Variants in VPS50 observed in about 807,000 individuals in gnomAD.
The protein encoded by VPS50 is syndetin.
Under a neutral mutation model 139.7 loss-of-function variants are expected in VPS50, and 70 were observed. That is an observed-to-expected ratio of 0.50 (90% CI 0.41 to 0.61). VPS50 has a LOEUF of 0.61. Ranked by LOEUF, VPS50 falls within the 20% of genes least tolerant of loss-of-function variation. VPS50 has a pLI of 0.00. For missense variants in VPS50, 921 were observed against 1,133.7 expected (o/e 0.81, Z 2.69); for synonymous variants, 365 against 376.7 (o/e 0.97, Z 0.36).
intron 2 of VPS50, among the ~76,000 whole-genome samples, chr7:93,242,706 C>G (rs1374354830): frequency 2.0e-5 from 3 of 151,926 alleles, no homozygotes; most frequent in African/African-American, 7.2e-5. Flanking sequence ...TATGCCTGGT[C>G]TTCAGGAATC....
intron 8 of VPS50, 37 bp downstream of exon 8, chr7:93,258,429 G>T (rs1190923963): frequency 1.3e-6 from 2 of 1,520,324 alleles, no homozygotes; most frequent in African/African-American, 1.4e-5. Context: ...GGGTCCTACT[G>T]ATATATAGAA....
intron 9 of VPS50, among the ~76,000 whole-genome samples, chr7:93,265,726 G>A (rs1384723400): frequency 6.6e-6 from 1 of 151,902 alleles, no homozygotes; most frequent in South Asian, 2.1e-4. Flanking sequence ...CACTACACCC[G>A]GCTATTTTTT....
At chr7:93,272,871 G>T (rs1192568412) in intron 11 of VPS50, 138 bp downstream of exon 11, 1 of 518,232 alleles carries the variant, frequency 1.9e-6, no homozygotes, top group Non-Finnish European at 3.4e-6. Flanking sequence ...AATTAACAGT[G>T]ATAAAATGGT....
intron 21 of VPS50, among the ~76,000 whole-genome samples, chr7:93,327,124 G>A (rs73417363): frequency 0.042 from 6,378 of 152,212 alleles, 313 homozygotes; most frequent in African/African-American, 0.12. Flanking sequence ...TTTGGGCCAT[G>A]CCTCTAGACC....
rs779682137 is a variant in VPS50 at position 93,239,894 on chromosome 7, G to C, written c.62G>C (p.Ser21Thr). ...QGLKSPQESL[S>T]DLGAIESLRV... Reference sequence around the variant, plus strand: ...CTGAAAAGCCCTCAAGAAAGCCTCAGTGATCTTGGTGCCATAGAGAGTCTC... The same window carrying C: ...CTGAAAAGCCCTCAAGAAAGCCTCACTGATCTTGGTGCCATAGAGAGTCTC... Residue 21 changes from serine to threonine, a missense_variant, in exon 2 of 28, where the codon AGT (serine) becomes ACT (threonine). Around this residue, in one of 3 missense-constraint regions of VPS50, gnomAD observed 744 missense variants for 930.6 expected, o/e 0.80. Transcript: ENST00000305866. 2.1e-5 allele frequency: 33 copies of C among 1,607,382 alleles called. No individual in the cohort carries two copies. The highest frequency in any genetic ancestry group is 4.4e-5 in the South Asian group (4 of 90,960).
intron 17 of VPS50, among the ~76,000 whole-genome samples, chr7:93,304,592 T>A (rs993475381): frequency 6.6e-6 from 1 of 151,886 alleles, no homozygotes; most frequent in African/African-American, 2.4e-5. Context: ...AAGTTTAACA[T>A]AAATTTTAGA....
At chr7:93,348,653 T>G in intron 23 of VPS50, 58 bp from the exon 24 acceptor site, 1 of 1,096,036 alleles carries the variant, frequency 9.1e-7, no homozygotes, top group South Asian at 1.3e-5. Flanking sequence ...TACGAAAGCA[T>G]GACAGGCTCT....
chr7:93,340,001 G>A (rs1798170294), intron 22 of VPS50, among the ~76,000 whole-genome samples: 1 of 151,886 alleles, frequency 6.6e-6, no homozygotes, highest in Admixed American at 6.6e-5. Context: ...AAAGTATAAT[G>A]ACCATTTGTA....
At chr7:93,302,237 A>C (rs1584446053) in intron 16 of VPS50, among the ~76,000 whole-genome samples, 1 of 152,194 alleles carries the variant, frequency 6.6e-6, no homozygotes, top group African/African-American at 2.4e-5. Context: ...ATTCTTGGCC[A>C]TTATGTCTTC....
At chr7:93,308,382 C>T (rs1287365486) in intron 18 of VPS50, among the ~76,000 whole-genome samples, 1 of 151,872 alleles carries the variant, frequency 6.6e-6, no homozygotes, top group Non-Finnish European at 1.5e-5. Flanking sequence ...AGAACATCAG[C>T]ATGTGTGTTG....
At chr7:93,285,835 A>G (rs892284488) in intron 12 of VPS50, among the ~76,000 whole-genome samples, 4 of 152,250 alleles carry the variant, frequency 2.6e-5, no homozygotes, top group Admixed American at 1.3e-4. Context: ...TGTGAAGCAT[A>G]GTGGAAATGC....
chr7:93,346,685 T>C (rs955532177), intron 23 of VPS50, among the ~76,000 whole-genome samples: 20 of 150,746 alleles, frequency 1.3e-4, no homozygotes, highest in African/African-American at 4.7e-4. Flanking sequence ...TCTACAACTA[T>C]CTGATCTTTG....
At chr7:93,330,424 A>G (rs1797901665) in intron 21 of VPS50, among the ~76,000 whole-genome samples, 1 of 152,108 alleles carries the variant, frequency 6.6e-6, no homozygotes, top group African/African-American at 2.4e-5. Flanking sequence ...GATTAAAAAC[A>G]AAGTCCACAC....
At chr7:93,269,765 C>T (rs1795950470) in intron 9 of VPS50, among the ~76,000 whole-genome samples, 1 of 145,118 alleles carries the variant, frequency 6.9e-6, no homozygotes, top group Non-Finnish European at 1.5e-5. Context: ...GCAAAATTTT[C>T]TCTCAGAACT....
intron 9 of VPS50, among the ~76,000 whole-genome samples, chr7:93,266,109 G>T (rs1225192927): frequency 6.6e-6 from 1 of 152,164 alleles, no homozygotes; most frequent in Non-Finnish European, 1.5e-5. Context: ...ACTGGAATAG[G>T]CTCTGATTTA....
chr7:93,243,103 T>A (rs1273550640), intron 2 of VPS50, among the ~76,000 whole-genome samples: 1 of 151,962 alleles, frequency 6.6e-6, no homozygotes, highest in Non-Finnish European at 1.5e-5. Flanking sequence ...TGTGCCCGAT[T>A]TTAAGAGCAG....
rs929380980 is a variant in VPS50 at position 93,360,622 on chromosome 7, A to G, written c.*2186A>G. 1 of 152,070 alleles carries G rather than the reference A, an allele frequency of 6.6e-6. No individual in the cohort carries two copies. The highest frequency in any genetic ancestry group is 1.5e-5 in the Non-Finnish European group (1 of 67,980). The allele number at this position is 152,070 out of a possible 1,614,324, so 9.4% of individuals were successfully genotyped here. A position where few individuals can be genotyped will look rare whatever the true frequency, so the allele number is the denominator to read the frequency against. ...TACAATTGAAAAGCTGAGAATGTAA[A>G]TGGAATTATACGTGTTCCAAAAACT... On this transcript the variant is annotated 3_prime_UTR_variant, in exon 28 of 28. Coordinates refer to ENST00000305866, the MANE Select transcript of VPS50 (RefSeq NM_017667.4).
In VPS50 at chr7:93,349,907, A is replaced by G. The variant is rs1241672271; in HGVS notation, c.2337A>G (p.Pro779=). 8 of 1,613,370 alleles carry G rather than the reference A, an allele frequency of 5.0e-6. No homozygotes were observed. The highest frequency in any genetic ancestry group is 1.3e-5 in the African/African-American group (1 of 74,920). The change falls in exon 25 of 28, where the codon CCA becomes CCG. Residue 779 remains proline (P), a synonymous_variant. Coordinates refer to ENST00000305866, the MANE Select transcript of VPS50 (RefSeq NM_017667.4). The part of the protein sequence containing the change: ...TVSTASELRK[P]IYWIVAGKAL... ...CAACCGCCAGTGAACTACGGAAACC[A>G]ATTTACTGGATTGTAGCTGGTAAAG...
chr7:93,308,544 G>C (rs1307934425), intron 18 of VPS50, among the ~76,000 whole-genome samples: 3 of 151,728 alleles, frequency 2.0e-5, no homozygotes, highest in Admixed American at 2.0e-4. Context: ...TACTCTTTAG[G>C]CCTAGTGGAA....
Sources: gnomAD v4.1 joint callset for allele counts (sites outside exome capture counted in the v4.1 genomes callset) on GRCh38, gnomAD v4.1.1 for gene constraint, gnomAD v4.1.1 regional missense constraint, MANE v1.5 for transcripts, NCBI Gene and HGNC (gene_info 2026-07-23, HGNC 2026-07-21) for gene names.